The following FRK variants were observed in gnomAD, a reference collection of about 807,000 sequenced individuals.
FRK encodes tyrosine-protein kinase FRK.
In FRK, 51 loss-of-function variants were observed where a neutral mutation model predicts 56.4. The observed-to-expected ratio is 0.90, with a 90% CI of 0.72 to 1.14. FRK has a LOEUF of 1.14. Ranked by LOEUF, FRK falls within the 50% of genes most tolerant of loss-of-function variation. FRK has a pLI of 0.00. For synonymous variants in FRK, 245 were observed against 217.9 expected, an observed-to-expected ratio of 1.12 and a Z score of -1.10; for missense variants, 570 against 601.4, an observed-to-expected ratio of 0.95 and a Z score of 0.55.
intron 5 of FRK, 56 bp downstream of exon 5, chr6:115,956,396 T>C (rs774305846): frequency 5.1e-5 from 68 of 1,328,756 alleles, no homozygotes; most frequent in South Asian, 9.5e-5. Context: ...TTGACACTTA[T>C]GGGACTAGCT....
At chr6:115,992,359 T>A (rs1774647087) in intron 2 of FRK, among the ~76,000 whole-genome samples, 1 of 151,776 alleles carries the variant, frequency 6.6e-6, no homozygotes, top group Non-Finnish European at 1.5e-5. Context: ...TATAACTTGA[T>A]TATTATGCTT....
upstream of FRK, among the ~76,000 whole-genome samples, chr6:116,061,399 AACACAC>A (rs3049929): frequency 8.9e-4 from 131 of 146,674 alleles, no homozygotes; most frequent in Middle Eastern, 7.0e-3. Context: ...CTATTTGGGA[AACACAC>A]ACACACACAC....
intron 1 of FRK, among the ~76,000 whole-genome samples, chr6:116,035,125 T>C (rs1776427586): frequency 1.3e-5 from 2 of 152,040 alleles, no homozygotes; most frequent in East Asian, 1.9e-4. Flanking sequence ...ACCCTGAGTA[T>C]AGGCAACTTT....
At chr6:115,976,270 G>T (rs904107676) in intron 2 of FRK, among the ~76,000 whole-genome samples, 2 of 152,048 alleles carry the variant, frequency 1.3e-5, no homozygotes, top group African/African-American at 4.8e-5. Context: ...TTATCATAAA[G>T]CACTTTCAAA....
chr6:116,094,279 C>T, the FRK span, among the ~76,000 whole-genome samples: 4 of 152,164 alleles, frequency 2.6e-5, no homozygotes, highest in Non-Finnish European at 4.4e-5. Context: ...TGAGGGTGCC[C>T]GGGGCAAGCG....
chr6:116,022,245 GA>G (rs1315131360), intron 1 of FRK, among the ~76,000 whole-genome samples: 2 of 151,968 alleles, frequency 1.3e-5, no homozygotes, highest in Non-Finnish European at 2.9e-5. Flanking sequence ...AAAATTTAAG[GA>G]AGAAATAATG....
At chr6:116,019,823 A>G (rs145638381) in intron 1 of FRK, among the ~76,000 whole-genome samples, 16 of 152,304 alleles carry the variant, frequency 1.1e-4, no homozygotes, top group Admixed American at 2.0e-4. Context: ...AGAAATAGCC[A>G]ATAGTTATGA....
At chr6:116,059,477 C>G (rs1323166675) in intron 1 of FRK, among the ~76,000 whole-genome samples, 1 of 152,046 alleles carries the variant, frequency 6.6e-6, no homozygotes, top group African/African-American at 2.4e-5. Flanking sequence ...TACATTAGCC[C>G]TGTATATTCC....
intron 5 of FRK, among the ~76,000 whole-genome samples, chr6:115,953,641 T>G (rs909674546): frequency 6.6e-6 from 1 of 152,170 alleles, no homozygotes; most frequent in Non-Finnish European, 1.5e-5. Flanking sequence ...CTGAAGCTGA[T>G]AGGGTTCATA....
chr6:116,081,845 C>T, the FRK span, among the ~76,000 whole-genome samples: 4 of 152,112 alleles, frequency 2.6e-5, no homozygotes, highest in Non-Finnish European at 4.4e-5. Flanking sequence ...GATGCTGGAA[C>T]TTCAGCATAG....
intron 4 of FRK, among the ~76,000 whole-genome samples, chr6:115,962,171 C>T (rs1326512556): frequency 3.7e-4 from 49 of 132,600 alleles, no homozygotes; most frequent in East Asian, 1.4e-3. Context: ...CAGAGACACA[C>T]ATAGGCTCAA....
intron 1 of FRK, among the ~76,000 whole-genome samples, chr6:116,050,348 G>A (rs1269678349): frequency 1.3e-5 from 2 of 152,186 alleles, no homozygotes; most frequent in Non-Finnish European, 2.9e-5. Flanking sequence ...AGTGACTGAT[G>A]TTTCTTAACC....
Position 116,060,249 on chromosome 6 carries a change from C to T in FRK, c.63G>A (p.Thr21=), listed in dbSNP as rs267600772. 2.5e-6 allele frequency: 4 copies of T among 1,614,014 alleles called. No individual in the cohort carries two copies. Among genetic ancestry groups the T allele is most frequent in the African/African-American group, 2.7e-5 (2 of 74,908 alleles). Residue 21 remains threonine, a synonymous_variant, in exon 1 of 8, where the codon ACG becomes ACA. Coordinates refer to ENST00000606080, the MANE Select transcript of FRK (RefSeq NM_002031.3). ...YLEPYLPCLS[T]EADKSTVIEN... The stretch of plus-strand genomic sequence containing the variant: ...CAATCACGGTTGACTTGTCTGCCTC[C>T]GTGGACAAACAGGGGAGATAGGGTT...
intron 1 of FRK, among the ~76,000 whole-genome samples, chr6:116,034,030 T>C (rs1446383600): frequency 6.6e-6 from 1 of 152,132 alleles, no homozygotes; most frequent in Admixed American, 6.6e-5. Context: ...GTATTCGGCC[T>C]GAGCAAATGG....
chr6:115,977,007 C>A (rs1774014628), intron 2 of FRK, among the ~76,000 whole-genome samples: 2 of 152,124 alleles, frequency 1.3e-5, no homozygotes. Context: ...TGTGCAAAAA[C>A]TCCTGCACTT....
rs1245825456 is a variant in FRK, at chr6:115,939,678, A to G, written c.*2736T>C. On this transcript the variant is annotated 3_prime_UTR_variant, in exon 8 of 8. Coordinates refer to ENST00000606080, the MANE Select transcript of FRK (RefSeq NM_002031.3). The stretch of plus-strand genomic sequence containing the variant: ...ATGTGCAAAAATCACACACATTCCT[A>G]TACACCAATAACAAACAGAGAGCCA... 1.3e-5 allele frequency: 2 copies of G among 152,152 alleles called. No individual in the cohort carries two copies. The highest frequency in any genetic ancestry group is 2.1e-4 in the South Asian group (1 of 4,790). The allele number at this position is 152,152 out of a possible 1,614,324, so 9.4% of individuals were successfully genotyped here. A position where few individuals can be genotyped will look rare whatever the true frequency, so the allele number is the denominator to read the frequency against.
chr6:116,077,011 G>T, the FRK span, among the ~76,000 whole-genome samples: 1 of 152,096 alleles, frequency 6.6e-6, no homozygotes, highest in Non-Finnish European at 1.5e-5. Context: ...AGATAATTCC[G>T]AAGTATTCAT....
At chr6:115,953,180 A>AC (rs34026302) in intron 5 of FRK, among the ~76,000 whole-genome samples, 2,711 of 104,054 alleles carry the variant, frequency 0.026, 656 homozygotes, top group African/African-American at 0.045. Context: ...TTTTAAGGCC[A>AC]TTTTTTTTTT....
At chr6:116,032,080 T>G (rs1417333103) in intron 1 of FRK, among the ~76,000 whole-genome samples, 1 of 152,088 alleles carries the variant, frequency 6.6e-6, no homozygotes, top group Non-Finnish European at 1.5e-5. Context: ...AATCCCTCAT[T>G]GTATTCTAAG....
Sources: allele counts gnomAD v4.1 joint callset (sites outside exome capture counted in the v4.1 genomes callset), GRCh38; gene constraint gnomAD v4.1.1; transcripts MANE v1.5; gene names NCBI Gene and HGNC (gene_info 2026-07-23, HGNC 2026-07-21).